Variants in DOCK3 observed in about 807,000 individuals in gnomAD.
The protein encoded by DOCK3 is dedicator of cytokinesis protein 3.
A neutral mutation model predicts 265.6 loss-of-function variants in DOCK3; 60 were observed. The ratio of observed to expected loss-of-function variants is 0.23; its 90% CI spans 0.18 to 0.28. The LOEUF is 0.28. Among genes scored for constraint, DOCK3 ranks in the 10% least tolerant of loss-of-function variants. DOCK3 has a pLI of 1.00. For synonymous variants in DOCK3, 881 were observed against 938.0 expected (o/e 0.94, Z 1.11); for missense variants, 1,981 against 2,594.3 (o/e 0.76, Z 5.14).
intron 7 of DOCK3, among the ~76,000 whole-genome samples, chr3:51,081,885 G>T (rs1385038344): frequency 8.5e-6 from 1 of 116,990 alleles, no homozygotes; most frequent in African/African-American, 3.2e-5. Flanking sequence ...GACAGAGCAA[G>T]ACTCTGTCTC....
chr3:51,100,618 T>G (rs2083044862), intron 9 of DOCK3, among the ~76,000 whole-genome samples: 1 of 152,204 alleles, frequency 6.6e-6, no homozygotes, highest in African/African-American at 2.4e-5. Context: ...ATGGAGATTA[T>G]AGATTAAGTC....
At chr3:50,863,013 G>C (rs2046984684) in intron 3 of DOCK3, among the ~76,000 whole-genome samples, 1 of 152,162 alleles carries the variant, frequency 6.6e-6, no homozygotes, top group Admixed American at 6.5e-5. Context: ...GCCATTTCCG[G>C]GTGTTGGTGC....
At chr3:50,862,874 T>A (rs2046978219) in intron 3 of DOCK3, among the ~76,000 whole-genome samples, 1 of 140,496 alleles carries the variant, frequency 7.1e-6, no homozygotes, top group African/African-American at 2.9e-5. Context: ...GGAGCCACCA[T>A]GAAAAGCACA....
At chr3:51,018,610 A>T (rs1468123074) in intron 5 of DOCK3, among the ~76,000 whole-genome samples, 1 of 151,762 alleles carries the variant, frequency 6.6e-6, no homozygotes. Context: ...TGGAGAAGGG[A>T]CCCGAGTCTA....
intron 1 of DOCK3, among the ~76,000 whole-genome samples, chr3:50,742,259 A>G (rs1270601572): frequency 6.6e-6 from 1 of 152,180 alleles, no homozygotes; most frequent in Non-Finnish European, 1.5e-5. Flanking sequence ...AACAGAGCAG[A>G]AAAACTGGAA....
At chr3:50,950,726 T>C (rs996029084) in intron 5 of DOCK3, among the ~76,000 whole-genome samples, 5 of 152,090 alleles carry the variant, frequency 3.3e-5, no homozygotes, top group Admixed American at 1.3e-4. Flanking sequence ...CCTGGCCTCC[T>C]GACCCACTTT....
intron 12 of DOCK3, among the ~76,000 whole-genome samples, chr3:51,200,736 G>A (rs1171444039): frequency 6.6e-6 from 1 of 151,610 alleles, no homozygotes; most frequent in East Asian, 1.9e-4. Context: ...ATTCACCAAA[G>A]TTGAAATGAA....
chr3:50,966,480 CTTGTT>C (rs1433653908), intron 5 of DOCK3, among the ~76,000 whole-genome samples: 4 of 70,040 alleles, frequency 5.7e-5, no homozygotes, highest in Non-Finnish European at 1.2e-4. Flanking sequence ...CTGGTTATCT[CTTGTT>C]TTTTTTTTTT....
At chr3:51,339,271 T>C (rs1287393131) in intron 37 of DOCK3, among the ~76,000 whole-genome samples, 1 of 152,218 alleles carries the variant, frequency 6.6e-6, no homozygotes, top group Non-Finnish European at 1.5e-5. Flanking sequence ...TCTGTTTCAC[T>C]CTTCTTCCCT....
intron 27 of DOCK3, among the ~76,000 whole-genome samples, chr3:51,295,356 G>A (rs188290125): frequency 6.9e-4 from 105 of 152,326 alleles, no homozygotes; most frequent in Non-Finnish European, 1.2e-3. Context: ...ACAACCAGCT[G>A]TCATGGGAAC....
intron 51 of DOCK3, chr3:51,379,543 C>G: frequency 1.0e-6 from 1 of 985,474 alleles, no homozygotes; most frequent in Non-Finnish European, 1.2e-6. Flanking sequence ...TCCTGGCCCC[C>G]CCAGTGCCTC....
At chr3:51,360,729 C>A in intron 47 of DOCK3, 97 bp downstream of exon 47, 1 of 1,508,086 alleles carries the variant, frequency 6.6e-7, no homozygotes, top group Non-Finnish European at 8.9e-7. Context: ...CATATTCCCT[C>A]TTACCCATGC....
At chr3:50,984,611 G>GT (rs2077825600) in intron 5 of DOCK3, among the ~76,000 whole-genome samples, 1 of 152,106 alleles carries the variant, frequency 6.6e-6, no homozygotes, top group Non-Finnish European at 1.5e-5. Context: ...TCTGATGGGG[G>GT]TTTTCTTATA....
intron 2 of DOCK3, among the ~76,000 whole-genome samples, chr3:50,799,057 G>A (rs2042937227): frequency 6.6e-6 from 1 of 152,126 alleles, no homozygotes; most frequent in Admixed American, 6.5e-5. Context: ...TTTCTGGGTT[G>A]TCTATACTGT....
chr3:50,804,237 C>T (rs955451409), intron 2 of DOCK3, among the ~76,000 whole-genome samples: 7 of 150,486 alleles, frequency 4.7e-5, no homozygotes, highest in African/African-American at 1.2e-4. Context: ...CGGGAAGAGG[C>T]GCTCCTCACT....
intron 1 of DOCK3, among the ~76,000 whole-genome samples, chr3:50,705,317 T>C (rs935777713): frequency 1.2e-4 from 18 of 152,054 alleles, no homozygotes; most frequent in African/African-American, 4.1e-4. Context: ...GTAATCCCCA[T>C]GTGTTGAGGG....
At chr3:50,711,138 C>T (rs2036737478) in intron 1 of DOCK3, among the ~76,000 whole-genome samples, 1 of 152,064 alleles carries the variant, frequency 6.6e-6, no homozygotes, top group Non-Finnish European at 1.5e-5. Context: ...TTCTTGCATA[C>T]ATATATTGTG....
chr3:51,129,763 C>A (rs1316010107), intron 9 of DOCK3, among the ~76,000 whole-genome samples: 1 of 152,206 alleles, frequency 6.6e-6, no homozygotes, highest in East Asian at 1.9e-4. Flanking sequence ...CCTAAGGGGG[C>A]CTGCCAAAGG....
intron 2 of DOCK3, among the ~76,000 whole-genome samples, chr3:50,818,023 G>A (rs936940136): frequency 6.6e-6 from 1 of 152,194 alleles, no homozygotes; most frequent in African/African-American, 2.4e-5. Context: ...TGGCTGCCCA[G>A]TAGGAACAGG....
Sources: gnomAD v4.1 joint callset for allele counts (sites outside exome capture counted in the v4.1 genomes callset) on GRCh38, gnomAD v4.1.1 for gene constraint, MANE v1.5 for transcripts, NCBI Gene and HGNC (gene_info 2026-07-23, HGNC 2026-07-21) for gene names.